Variants in GRID2 observed in about 807,000 individuals in gnomAD.
GRID2 encodes glutamate receptor ionotropic, delta-2.
In GRID2, 33 loss-of-function variants were observed where a neutral mutation model predicts 114.8. The observed-to-expected ratio is 0.29, with a 90% confidence interval of 0.22 to 0.38. The LOEUF (loss-of-function observed/expected upper bound fraction) is 0.38, where lower values mean the gene tolerates loss of function less well. GRID2 is among the 10% of genes least tolerant of loss of function. The pLI is 1.00. For synonymous variants in GRID2, 505 were observed against 449.9 expected (o/e 1.12, Z -1.55); for missense variants, 1,184 against 1,257.7 (o/e 0.94, Z 0.89).
rs964301323 is a variant in GRID2 at position 93,128,054 on chromosome 4, A to C, written c.735+17101A>C. ...AAAAAAAAAAAAAAAAAAAAAAAAAAAAAAACAACAGTACGTGCTATATTG... is the reference window on the plus strand; with the variant it reads ...AAAAAAAAAAAAAAAAAAAAAAAAACAAAAACAACAGTACGTGCTATATTG... On this transcript the variant is annotated intron_variant, in intron 4 of 15. Coordinates refer to ENST00000282020, the MANE Select transcript of GRID2 (RefSeq NM_001510.4). Among the ~76,000 whole-genome samples the C allele has an allele frequency of 4.3e-4, 62 of 145,006 alleles. No homozygotes were observed. In the Middle Eastern group the frequency reaches 0.01, roughly 24 times the overall value.
intron 1 of GRID2, among the ~76,000 whole-genome samples, chr4:92,508,353 A>G (rs1228232789): frequency 1.3e-5 from 2 of 152,012 alleles, no homozygotes; most frequent in Non-Finnish European, 1.5e-5. Context: ...AATACTTGAT[A>G]GGACATATTC....
At chr4:92,429,196 A>G (rs912183480) in intron 1 of GRID2, among the ~76,000 whole-genome samples, 4 of 152,216 alleles carry the variant, frequency 2.6e-5, no homozygotes, top group Non-Finnish European at 1.5e-5. Flanking sequence ...ATGCAAGCCT[A>G]CAATGCATAA....
intron 2 of GRID2, among the ~76,000 whole-genome samples, chr4:93,022,205 T>TAC (rs886950448): frequency 5.9e-5 from 9 of 151,456 alleles, no homozygotes; most frequent in Admixed American, 2.6e-4. Flanking sequence ...CATACGCATA[T>TAC]ACACACACAC....
chr4:92,311,880 G>T (rs575374527), intron 1 of GRID2, among the ~76,000 whole-genome samples: 1 of 152,030 alleles, frequency 6.6e-6, no homozygotes, highest in African/African-American at 2.4e-5. Context: ...CTATGTTTTT[G>T]TATTTAAGGA....
At chr4:92,510,696 G>A (rs144944665) in intron 1 of GRID2, among the ~76,000 whole-genome samples, 79 of 151,732 alleles carry the variant, frequency 5.2e-4, no homozygotes, top group African/African-American at 1.7e-3. Context: ...AGTATGTTAC[G>A]AAATACGTAG....
intron 8 of GRID2, among the ~76,000 whole-genome samples, chr4:93,337,628 C>T (rs568699030): frequency 6.6e-6 from 1 of 152,230 alleles, no homozygotes; most frequent in South Asian, 2.1e-4. Context: ...CCAAGATCTT[C>T]TCTATATAAG....
chr4:93,167,483 C>G (rs998158523), intron 4 of GRID2, among the ~76,000 whole-genome samples: 1 of 152,146 alleles, frequency 6.6e-6, no homozygotes, highest in Non-Finnish European at 1.5e-5. Context: ...CCTGAGGTCT[C>G]TTCCCTGAAT....
intron 2 of GRID2, among the ~76,000 whole-genome samples, chr4:92,927,066 A>C (rs1224351017): frequency 2.6e-5 from 4 of 151,954 alleles, no homozygotes; most frequent in Non-Finnish European, 4.4e-5. Flanking sequence ...AGTATTTAAA[A>C]TAATAAAATG....
At chr4:93,434,933 G>T (rs1181718021) in intron 10 of GRID2, among the ~76,000 whole-genome samples, 1 of 151,750 alleles carries the variant, frequency 6.6e-6, no homozygotes, top group Non-Finnish European at 1.5e-5. Context: ...TCTCCTATCT[G>T]CCTAAAATGA....
Position 92,440,356 on chromosome 4 carries a change from G to A in GRID2, c.88+135612G>A, listed in dbSNP as rs1273535137. 7.1e-5 allele frequency among the ~76,000 whole-genome samples: 9 copies of A among 126,500 alleles called. 1 individual carries two copies. In the South Asian group the frequency reaches 2.0e-3, roughly 28 times the overall value. The allele number at this position is 126,500 out of a possible 152,430, so 83.0% of individuals were successfully genotyped here. Reference sequence around the variant, plus strand: ...CTGAGGAATTATGTCTGACAGAAGGGAAGAAATGACTGCGGTGGCCTTCTC... The same window carrying A: ...CTGAGGAATTATGTCTGACAGAAGGAAAGAAATGACTGCGGTGGCCTTCTC... On this transcript the variant is annotated intron_variant, in intron 1 of 15. Transcript: ENST00000282020.
chr4:92,470,831 A>C (rs1012049477), intron 1 of GRID2, among the ~76,000 whole-genome samples: 1 of 152,100 alleles, frequency 6.6e-6, no homozygotes, highest in African/African-American at 2.4e-5. Context: ...ACAGTAAGCC[A>C]GAATAATATA....
At chr4:92,503,480 G>T (rs1442638507) in intron 1 of GRID2, among the ~76,000 whole-genome samples, 1 of 151,964 alleles carries the variant, frequency 6.6e-6, no homozygotes, top group Non-Finnish European at 1.5e-5. Flanking sequence ...TTTTTATGAG[G>T]TTTCCTAAAA....
At chr4:92,612,162 G>C (rs1406037995) in intron 2 of GRID2, among the ~76,000 whole-genome samples, 1 of 151,290 alleles carries the variant, frequency 6.6e-6, no homozygotes, top group Non-Finnish European at 1.5e-5. Context: ...TATGGTATGA[G>C]GCACTGTTTT....
rs765451346 is a variant in GRID2, at chr4:93,772,100, C to G, written c.2626C>G (p.His876Asp). The G allele has an allele frequency of 1.1e-5, 17 of 1,609,698 alleles. No individual in the cohort carries two copies. Among genetic ancestry groups the G allele is most frequent in the Non-Finnish European group, 1.4e-5 (16 of 1,176,340 alleles). ...GGATGACAAGGAAATTGACCTGGAG[C>G]ACCTCCATAGACGTGTAAATAGCTT... Reference protein sequence around the residue: ...KEDDKEIDLEHLHRRVNSLCT... With the variant: ...KEDDKEIDLEDLHRRVNSLCT... The change falls in exon 16 of 16, where the codon CAC becomes GAC. Residue 876 changes from histidine to aspartate, a missense_variant. His to Asp is a moderately conservative substitution (Grantham distance 81). Around this residue, in one of 3 missense-constraint regions of GRID2, gnomAD observed 717 missense variants for 796.9 expected, o/e 0.90. Coordinates refer to ENST00000282020, the MANE Select transcript of GRID2 (RefSeq NM_001510.4).
At chr4:92,828,003 T>A (rs1327897206) in intron 2 of GRID2, among the ~76,000 whole-genome samples, 2 of 152,062 alleles carry the variant, frequency 1.3e-5, no homozygotes, top group Non-Finnish European at 2.9e-5. Context: ...AATAGATATG[T>A]AAGAATTCCT....
At chr4:93,741,162 TATATATATATAC>T (rs1190756677) in intron 14 of GRID2, among the ~76,000 whole-genome samples, 1 of 38,900 alleles carries the variant, frequency 2.6e-5, no homozygotes, top group African/African-American at 1.5e-4. Context: ...TGAGAAACTA[TATATATATATAC>T]ATATATATAT....
At chr4:92,492,837 TAC>T (rs1490549608) in intron 1 of GRID2, among the ~76,000 whole-genome samples, 32 of 152,154 alleles carry the variant, frequency 2.1e-4, no homozygotes, top group African/African-American at 7.7e-4. Context: ...CTAAATGGAA[TAC>T]AGTTTTAGGC....
At chr4:92,455,709 G>T (rs1386321276) in intron 1 of GRID2, among the ~76,000 whole-genome samples, 6 of 152,154 alleles carry the variant, frequency 3.9e-5, no homozygotes, top group Admixed American at 3.3e-4. Context: ...AGTGAGGCAC[G>T]AGAGAGGGGA....
At chr4:93,063,284 A>G (rs1311517804) in intron 2 of GRID2, among the ~76,000 whole-genome samples, 1 of 151,934 alleles carries the variant, frequency 6.6e-6, no homozygotes, top group Non-Finnish European at 1.5e-5. Context: ...ATAATTCTGT[A>G]TATGAAGGAT....
Sources: gnomAD v4.1 joint callset for allele counts (sites outside exome capture counted in the v4.1 genomes callset) on GRCh38, gnomAD v4.1.1 for gene constraint, gnomAD v4.1.1 regional missense constraint, MANE v1.5 for transcripts, NCBI Gene and HGNC (gene_info 2026-07-23, HGNC 2026-07-21) for gene names.